The following PCCA variants were observed in gnomAD, a reference collection of about 807,000 sequenced individuals.
PCCA encodes the protein propionyl-CoA carboxylase alpha chain, mitochondrial.
A neutral mutation model predicts 101.3 loss-of-function variants in PCCA; 74 were observed. That is an observed-to-expected ratio of 0.73 (90% CI 0.61 to 0.89). The LOEUF is 0.89. Among genes scored for constraint, PCCA ranks in the 40% least tolerant of loss-of-function variants. PCCA has a pLI of 0.00. For missense variants in PCCA, 891 were observed against 907.0 expected (o/e 0.98, Z 0.23); for synonymous variants, 294 against 313.6 (o/e 0.94, Z 0.66).
At chr13:100,322,572 T>A (rs905510729) in intron 16 of PCCA, among the ~76,000 whole-genome samples, 1 of 149,492 alleles carries the variant, frequency 6.7e-6, no homozygotes, top group Admixed American at 6.7e-5. Context: ...TTTTTTTAAT[T>A]TTTTTTTTTT....
At chr13:100,296,081 C>T (rs1328271055) in intron 12 of PCCA, among the ~76,000 whole-genome samples, 2 of 152,050 alleles carry the variant, frequency 1.3e-5, no homozygotes, top group African/African-American at 4.8e-5. Flanking sequence ...GGAAACATAT[C>T]GCACAAACTA....
rs1394849178 is a variant in PCCA, at chr13:100,263,920, GATACGGTATCTGTATGTCATAT to G, written c.819+1149_819+1170del. Among the ~76,000 whole-genome samples the G allele has an allele frequency of 3.4e-3, 492 of 146,098 alleles. 5 individuals carry two copies. Among genetic ancestry groups the G allele is most frequent in the African/African-American group, 4.1e-3 (161 of 39,652 alleles). ...ATAGATACAGTATCTGTATGTCATA[GATACGGTATCTGTATGTCATAT>G]ATACGGTATCTGTATGTCATATATA... On this transcript the variant is annotated intron_variant, in intron 10 of 23. Coordinates refer to ENST00000376285, the MANE Select transcript of PCCA (RefSeq NM_000282.4).
intron 4 of PCCA, among the ~76,000 whole-genome samples, chr13:100,150,191 G>A (rs2152370182): frequency 6.6e-6 from 1 of 151,794 alleles, no homozygotes; most frequent in South Asian, 2.1e-4. Context: ...TTACGCCCAG[G>A]TAATTTTTCT....
chr13:100,280,683 A>G (rs1341110350), intron 12 of PCCA, among the ~76,000 whole-genome samples: 1 of 152,194 alleles, frequency 6.6e-6, no homozygotes, highest in African/African-American at 2.4e-5. Context: ...CCTTATCCAT[A>G]GTTTTCCTTT....
At chr13:100,133,989 C>A (rs1364579253) in intron 4 of PCCA, among the ~76,000 whole-genome samples, 1 of 152,222 alleles carries the variant, frequency 6.6e-6, no homozygotes, top group Non-Finnish European at 1.5e-5. Flanking sequence ...CCTTCAGCCA[C>A]AGACTGAAGG....
chr13:100,507,215 T>G (rs2086149427), intron 21 of PCCA, among the ~76,000 whole-genome samples: 1 of 152,236 alleles, frequency 6.6e-6, no homozygotes, highest in Non-Finnish European at 1.5e-5. Flanking sequence ...TACAGTTCAT[T>G]GTAAATGGAC....
At chr13:100,253,359 G>A (rs752294368) in intron 8 of PCCA, among the ~76,000 whole-genome samples, 1 of 152,136 alleles carries the variant, frequency 6.6e-6, no homozygotes, top group Non-Finnish European at 1.5e-5. Context: ...TTTCTGAATC[G>A]TTGGCCTTTG....
chr13:100,472,065 T>A (rs1377577355), intron 21 of PCCA, among the ~76,000 whole-genome samples: 5 of 151,830 alleles, frequency 3.3e-5, no homozygotes, highest in Non-Finnish European at 2.9e-5. Context: ...CCCTTCACAG[T>A]GGAATACAAG....
intron 6 of PCCA, among the ~76,000 whole-genome samples, chr13:100,171,745 G>A (rs1039144965): frequency 1.3e-5 from 2 of 152,028 alleles, no homozygotes; most frequent in African/African-American, 4.8e-5. Flanking sequence ...AAAATTAGCT[G>A]GGTGTGGCTG....
chr13:100,219,138 T>G (rs2059677769), intron 7 of PCCA, among the ~76,000 whole-genome samples: 1 of 152,220 alleles, frequency 6.6e-6, no homozygotes, highest in South Asian at 2.1e-4. Flanking sequence ...TATTTCCTTA[T>G]GAGGTCTTGT....
intron 20 of PCCA, among the ~76,000 whole-genome samples, chr13:100,431,121 A>T (rs745666081): frequency 3.9e-5 from 6 of 152,040 alleles, no homozygotes; most frequent in Non-Finnish European, 8.8e-5. Context: ...TTCCCAGACT[A>T]CTTAGGTTTT....
At chr13:100,140,304 A>T (rs1180249657) in intron 4 of PCCA, among the ~76,000 whole-genome samples, 1 of 152,194 alleles carries the variant, frequency 6.6e-6, no homozygotes, top group Admixed American at 6.5e-5. Flanking sequence ...AGTTTCACTG[A>T]TTGAAGAAGA....
intron 12 of PCCA, among the ~76,000 whole-genome samples, chr13:100,288,418 G>C (rs946641605): frequency 6.6e-6 from 1 of 152,090 alleles, no homozygotes; most frequent in Non-Finnish European, 1.5e-5. Context: ...CACCCCAGCC[G>C]CCCAGGTAGC....
chr13:100,200,145 C>G (rs1187205102), intron 6 of PCCA, among the ~76,000 whole-genome samples: 1 of 152,210 alleles, frequency 6.6e-6, no homozygotes, highest in Non-Finnish European at 1.5e-5. Flanking sequence ...CACTCTGTCA[C>G]CCAGGCTGGA....
At chr13:100,197,590 C>T (rs2058195603) in intron 6 of PCCA, among the ~76,000 whole-genome samples, 1 of 152,222 alleles carries the variant, frequency 6.6e-6, no homozygotes, top group Non-Finnish European at 1.5e-5. Flanking sequence ...ATTACAGGAG[C>T]ATGCCACCAT....
intron 7 of PCCA, among the ~76,000 whole-genome samples, chr13:100,210,665 T>A (rs1204522048): frequency 6.6e-6 from 1 of 152,226 alleles, no homozygotes; most frequent in Admixed American, 6.5e-5. Flanking sequence ...ATTATTCTGT[T>A]TTTTTCTAGT....
chr13:100,463,479 G>A (rs556925203), intron 21 of PCCA, among the ~76,000 whole-genome samples: 1 of 149,194 alleles, frequency 6.7e-6, no homozygotes, highest in African/African-American at 2.6e-5. Flanking sequence ...ATTTCTAGAG[G>A]TGATAACTGA....
intron 22 of PCCA, chr13:100,527,197 T>TG: frequency 4.5e-6 from 2 of 442,052 alleles, no homozygotes; most frequent in Non-Finnish European, 9.3e-6. Context: ...AATTCAGAGT[T>TG]GTGTAGTTGT....
chr13:100,207,260 G>A (rs953702688), intron 6 of PCCA, among the ~76,000 whole-genome samples: 2 of 152,128 alleles, frequency 1.3e-5, no homozygotes, highest in African/African-American at 4.8e-5. Context: ...TTTAGACTCA[G>A]GGTCTAAAAT....
Sources: gnomAD v4.1 joint callset for allele counts (sites outside exome capture counted in the v4.1 genomes callset) on GRCh38, gnomAD v4.1.1 for gene constraint, MANE v1.5 for transcripts, NCBI Gene and HGNC (gene_info 2026-07-23, HGNC 2026-07-21) for gene names.